Variants in ZCCHC7 observed in about 807,000 individuals in gnomAD.
The protein encoded by ZCCHC7 is zinc finger CCHC domain-containing protein 7.
ZCCHC7 carries 35 observed loss-of-function variants against 52.0 expected under a neutral mutation model. The observed-to-expected ratio is 0.67, with a 90% confidence interval of 0.51 to 0.89. The LOEUF is 0.89. Ranked by LOEUF, ZCCHC7 falls within the 40% of genes least tolerant of loss-of-function variation. ZCCHC7 has a pLI of 0.00. For missense variants in ZCCHC7, 574 were observed against 649.1 expected, an observed-to-expected ratio of 0.88 and a Z score of 1.26; for synonymous variants, 217 against 221.5, an observed-to-expected ratio of 0.98 and a Z score of 0.18.
At chr9:37,337,205 T>C (rs560809815) in intron 6 of ZCCHC7, among the ~76,000 whole-genome samples, 5 of 152,246 alleles carry the variant, frequency 3.3e-5, no homozygotes, top group African/African-American at 9.6e-5. Context: ...AAAACAGCAC[T>C]AAAGAGTTTA....
At chr9:37,206,712 CTG>C (rs1823937002) in intron 2 of ZCCHC7, among the ~76,000 whole-genome samples, 2 of 152,208 alleles carry the variant, frequency 1.3e-5, no homozygotes, top group East Asian at 3.9e-4. Flanking sequence ...CGACTTTGAC[CTG>C]TGTACATTCT....
rs552450472 is a variant in ZCCHC7, at chr9:37,158,768, A to G, written c.610+31826A>G. Reference sequence around the variant, plus strand: ...CAGTAGAAGAATTATTTTGTACACTATGTGTGAAAGATCAAAGAATATGGG... The same window carrying G: ...CAGTAGAAGAATTATTTTGTACACTGTGTGTGAAAGATCAAAGAATATGGG... On this transcript the variant is annotated intron_variant, in intron 2 of 8. Transcript: ENST00000336755. 2.6e-5 allele frequency among the ~76,000 whole-genome samples: 4 copies of G among 152,296 alleles called. No homozygotes were observed. The East Asian group carries it at 5.8e-4, about 22-fold the overall frequency.
chr9:37,351,566 C>T (rs1018914556), intron 7 of ZCCHC7, among the ~76,000 whole-genome samples: 4 of 152,236 alleles, frequency 2.6e-5, no homozygotes, highest in Middle Eastern at 3.4e-3. Context: ...CTTGGCCTCC[C>T]GAAGTGTTGA....
At chr9:37,192,702 T>C (rs559589763) in intron 2 of ZCCHC7, among the ~76,000 whole-genome samples, 1 of 152,336 alleles carries the variant, frequency 6.6e-6, no homozygotes, top group East Asian at 1.9e-4. Context: ...AGACATCTAC[T>C]GGAATCTGTA....
chr9:37,355,429 T>C (rs1055388008), intron 8 of ZCCHC7, among the ~76,000 whole-genome samples: 1 of 152,202 alleles, frequency 6.6e-6, no homozygotes, highest in Non-Finnish European at 1.5e-5. Flanking sequence ...AACAAAACAG[T>C]TCTGTATTTT....
At chr9:37,126,195 C>T (rs1219282753) in intron 1 of ZCCHC7, 117 bp from the exon 2 acceptor site, 1 of 1,047,116 alleles carries the variant, frequency 9.6e-7, no homozygotes, top group Admixed American at 2.4e-5. Context: ...TTTAATATGT[C>T]TGAGAATAGT....
chr9:37,162,095 T>A (rs1405383225), intron 2 of ZCCHC7, among the ~76,000 whole-genome samples: 1 of 152,188 alleles, frequency 6.6e-6, no homozygotes, highest in Non-Finnish European at 1.5e-5. Context: ...TAAAAACCTA[T>A]GTGTAAACGA....
intron 6 of ZCCHC7, 32 bp downstream of exon 6, chr9:37,327,866 A>G (rs767776180): frequency 6.2e-7 from 1 of 1,610,692 alleles, no homozygotes; most frequent in Non-Finnish European, 8.5e-7. Flanking sequence ...ATTTTCCCCA[A>G]GACCTAGCCT....
chr9:37,309,892 A>ATGTT (rs1829512420), intron 5 of ZCCHC7, among the ~76,000 whole-genome samples: 1 of 151,738 alleles, frequency 6.6e-6, no homozygotes, highest in Non-Finnish European at 1.5e-5. Flanking sequence ...ACTGAACTCC[A>ATGTT]GCCTGGGCAA....
intron 2 of ZCCHC7, among the ~76,000 whole-genome samples, chr9:37,154,762 G>A (rs79135379): frequency 0.05 from 7,658 of 151,994 alleles, 620 homozygotes; most frequent in African/African-American, 0.17. Flanking sequence ...CCCCAATGCT[G>A]GGATTACAGG....
At chr9:37,131,213 G>A (rs1422045697) in intron 2 of ZCCHC7, among the ~76,000 whole-genome samples, 2 of 151,286 alleles carry the variant, frequency 1.3e-5, no homozygotes, top group African/African-American at 4.9e-5. Flanking sequence ...GGTGGCGGAC[G>A]CCTGTAGTCC....
rs143318028 is a variant in ZCCHC7 at position 37,339,517 on chromosome 9, G to C, written c.988-9840G>C. 5.1e-3 allele frequency among the ~76,000 whole-genome samples: 773 copies of C among 152,240 alleles called. 2 individuals carry two copies. The highest frequency in any genetic ancestry group is 8.4e-3 in the Non-Finnish European group (573 of 67,986). On this transcript the variant is annotated intron_variant, in intron 6 of 8. Coordinates refer to ENST00000336755, the MANE Select transcript of ZCCHC7 (RefSeq NM_032226.3). The stretch of plus-strand genomic sequence containing the variant: ...AGGTTTCTTTATTTGATTCTTTTAG[G>C]CATAAATTGATTTGGAAATATGAAA...
intron 2 of ZCCHC7, among the ~76,000 whole-genome samples, chr9:37,259,573 T>C (rs76284160): frequency 0.05 from 7,659 of 152,226 alleles, 632 homozygotes; most frequent in African/African-American, 0.17. Context: ...GTGACAACAT[T>C]AGGATAAATT....
chr9:37,172,538 C>T (rs979862170), intron 2 of ZCCHC7, among the ~76,000 whole-genome samples: 4 of 152,168 alleles, frequency 2.6e-5, no homozygotes, highest in East Asian at 1.9e-4. Flanking sequence ...TGAATATACA[C>T]GGTGTCTTGC....
intron 2 of ZCCHC7, among the ~76,000 whole-genome samples, chr9:37,257,723 G>T (rs1233045772): frequency 6.6e-6 from 1 of 151,834 alleles, no homozygotes; most frequent in East Asian, 1.9e-4. Flanking sequence ...AATATAAAGG[G>T]ATCCTGAGAC....
intron 2 of ZCCHC7, among the ~76,000 whole-genome samples, chr9:37,252,417 T>C (rs543268534): frequency 6.6e-6 from 1 of 152,278 alleles, no homozygotes; most frequent in African/African-American, 2.4e-5. Context: ...CAATCATTGG[T>C]CTCAATTTAA....
rs531442471 is a variant in ZCCHC7, at chr9:37,354,364, G to A, written c.1084-346G>A. 6.6e-6 allele frequency among the ~76,000 whole-genome samples: 1 copy of A among 152,252 alleles called. No homozygotes were observed. Among genetic ancestry groups the A allele is most frequent in the African/African-American group, 2.4e-5 (1 of 41,548 alleles). ...TTGGAAGTGATGGACAAGCAAAGGAGTAATACTAACATGAGGCCGAATAAC... is the reference window on the plus strand; with the variant it reads ...TTGGAAGTGATGGACAAGCAAAGGAATAATACTAACATGAGGCCGAATAAC... On this transcript the variant is annotated intron_variant, in intron 7 of 8. Transcript: ENST00000336755. The surrounding 1 kb of genome is among the most constrained non-coding windows in gnomAD (Gnocchi z 4.0).
intron 2 of ZCCHC7, among the ~76,000 whole-genome samples, chr9:37,276,963 C>G (rs559539713): frequency 6.6e-6 from 1 of 152,130 alleles, no homozygotes; most frequent in Non-Finnish European, 1.5e-5. Flanking sequence ...TGAAAAATTG[C>G]TAATCACTCC....
At chr9:37,194,141 CT>C (rs968493697) in intron 2 of ZCCHC7, among the ~76,000 whole-genome samples, 3 of 150,978 alleles carry the variant, frequency 2.0e-5, no homozygotes, top group Non-Finnish European at 4.4e-5. Flanking sequence ...TGAAGACAAA[CT>C]CTAAAAAATT....
Sources: gnomAD v4.1 joint callset for allele counts (sites outside exome capture counted in the v4.1 genomes callset) on GRCh38, gnomAD v4.1.1 for gene constraint, Gnocchi (gnomAD v3.1) non-coding constraint, MANE v1.5 for transcripts, NCBI Gene and HGNC (gene_info 2026-07-23, HGNC 2026-07-21) for gene names.